The following CEP128 variants were observed in gnomAD, a reference collection of about 807,000 sequenced individuals.
CEP128 encodes centrosomal protein 128.
Under a neutral mutation model 156.7 loss-of-function variants are expected in CEP128, and 132 were observed. The observed-to-expected ratio is 0.84, with a 90% CI of 0.73 to 0.97. The LOEUF is 0.97. CEP128 is among the 50% of genes least tolerant of loss of function. The pLI is 0.00. For missense variants in CEP128, 1,252 were observed against 1,281.9 expected, an observed-to-expected ratio of 0.98 and a Z score of 0.36; for synonymous variants, 469 against 448.9, an observed-to-expected ratio of 1.04 and a Z score of -0.57.
At chr14:80,648,602 T>C (rs1894761867) in intron 19 of CEP128, among the ~76,000 whole-genome samples, 1 of 152,136 alleles carries the variant, frequency 6.6e-6, no homozygotes, top group South Asian at 2.1e-4. Context: ...ATAGCATTGA[T>C]TTTAATTAAT....
chr14:80,949,235 G>T (rs1347566284), intron 2 of CEP128, among the ~76,000 whole-genome samples: 2 of 152,188 alleles, frequency 1.3e-5, no homozygotes, highest in South Asian at 4.1e-4. Flanking sequence ...CCTTGAGAGA[G>T]TTTCCAAGTC....
intron 23 of CEP128, among the ~76,000 whole-genome samples, chr14:80,511,375 C>G (rs182033686): frequency 8.6e-4 from 130 of 151,992 alleles, no homozygotes; most frequent in African/African-American, 2.8e-3. Flanking sequence ...TTTATCTAAG[C>G]TTTCCTATTT....
intron 23 of CEP128, among the ~76,000 whole-genome samples, chr14:80,512,472 T>G (rs1452932449): frequency 6.6e-6 from 1 of 152,048 alleles, no homozygotes; most frequent in Non-Finnish European, 1.5e-5. Context: ...TACATATGTC[T>G]TTATAGGTGA....
At chr14:80,764,739 G>C (rs559691099) in intron 16 of CEP128, among the ~76,000 whole-genome samples, 7 of 152,296 alleles carry the variant, frequency 4.6e-5, no homozygotes, top group African/African-American at 1.4e-4. Context: ...TCAAGGAACA[G>C]AGTACCTGAC....
intron 20 of CEP128, among the ~76,000 whole-genome samples, chr14:80,577,738 T>C (rs1891418230): frequency 6.6e-6 from 1 of 152,156 alleles, no homozygotes; most frequent in Admixed American, 6.6e-5. Context: ...GTTCTCTTAT[T>C]TCAAACCCTT....
At chr14:80,613,007 A>ATTTTTTTTTTTTTTTTT (rs66946967) in intron 19 of CEP128, among the ~76,000 whole-genome samples, 1 of 114,702 alleles carries the variant, frequency 8.7e-6, no homozygotes, top group African/African-American at 3.2e-5. Flanking sequence ...CACCCGGCGA[A>ATTTTTTTTTTTTTTTTT]TTTTTTTTTT....
chr14:80,813,837 T>A (rs1205835072), intron 13 of CEP128, among the ~76,000 whole-genome samples: 1 of 152,184 alleles, frequency 6.6e-6, no homozygotes, highest in Non-Finnish European at 1.5e-5. Context: ...TGAACTTCAT[T>A]AACTGCTACA....
intron 13 of CEP128, among the ~76,000 whole-genome samples, chr14:80,815,175 T>A (rs1192206238): frequency 1.3e-5 from 2 of 152,190 alleles, no homozygotes; most frequent in African/African-American, 4.8e-5. Context: ...TACATCTGAC[T>A]GATAAACAGA....
chr14:80,847,428 TTTG>T (rs1329246618), intron 9 of CEP128, among the ~76,000 whole-genome samples: 3 of 152,104 alleles, frequency 2.0e-5, no homozygotes, highest in Non-Finnish European at 4.4e-5. Flanking sequence ...AAAGAAAAAA[TTTG>T]TTATTTGTTA....
rs960259723 is a variant in CEP128, at chr14:80,769,489, G to C, written c.2377-7876C>G. Among the ~76,000 whole-genome samples the C allele has an allele frequency of 2.0e-5, 3 of 151,958 alleles. No homozygotes were observed. In the South Asian group the frequency reaches 6.2e-4, roughly 32 times the overall value. ...TTCCCATTGTTCAGTTCCCACCTAT[G>C]AGTGAGAACATGCGGTGTTTGATTT... On this transcript the variant is annotated intron_variant, in intron 16 of 24. Coordinates refer to ENST00000555265, the MANE Select transcript of CEP128 (RefSeq NM_152446.5).
intron 8 of CEP128, among the ~76,000 whole-genome samples, chr14:80,876,978 A>G (rs1888314150): frequency 6.6e-6 from 1 of 152,220 alleles, no homozygotes; most frequent in Non-Finnish European, 1.5e-5. Flanking sequence ...ATAAAATAAT[A>G]GTCATGCCTT....
At chr14:80,733,151 A>G (rs1898358730) in intron 19 of CEP128, among the ~76,000 whole-genome samples, 1 of 152,158 alleles carries the variant, frequency 6.6e-6, no homozygotes, top group African/African-American at 2.4e-5. Context: ...CCTCTGCATG[A>G]ACGTCTTCAA....
At chr14:80,628,256 T>C (rs929856130) in intron 19 of CEP128, among the ~76,000 whole-genome samples, 3 of 152,160 alleles carry the variant, frequency 2.0e-5, no homozygotes, top group Non-Finnish European at 4.4e-5. Flanking sequence ...ACAAAAAGTC[T>C]TTCCTTTCCT....
intron 13 of CEP128, among the ~76,000 whole-genome samples, chr14:80,809,246 G>A (rs766435481): frequency 3.3e-5 from 5 of 152,062 alleles, no homozygotes; most frequent in Admixed American, 2.0e-4. Context: ...ACTTGAAGTC[G>A]TCAATAACAG....
In CEP128 at chr14:80,895,715, C is replaced by A. The variant is rs1216808550; in HGVS notation, c.645+3G>T. 2 of 1,550,198 alleles carry A rather than the reference C, an allele frequency of 1.3e-6. No individual in the cohort carries two copies. The highest frequency in any genetic ancestry group is 1.7e-6 in the Non-Finnish European group (2 of 1,147,462). ...AAACTTTTTATTAAAAAAGAGATCT[C>A]ACCACTTCTTGTTTCTGGGCTTCAT... On this transcript the variant is annotated splice_donor_region_variant and intron_variant, in intron 8 of 24. Transcript: ENST00000555265.
At chr14:80,777,626 A>C (rs1314363599) in intron 16 of CEP128, among the ~76,000 whole-genome samples, 1 of 152,110 alleles carries the variant, frequency 6.6e-6, no homozygotes, top group Admixed American at 6.5e-5. Flanking sequence ...CTTTTTTTCT[A>C]CTTCATTTCT....
At chr14:80,696,153 T>G (rs915758255) in intron 19 of CEP128, among the ~76,000 whole-genome samples, 3 of 152,174 alleles carry the variant, frequency 2.0e-5, no homozygotes, top group African/African-American at 7.2e-5. Flanking sequence ...AGTGACTGTT[T>G]GGTTACTGGG....
intron 19 of CEP128, among the ~76,000 whole-genome samples, chr14:80,591,391 A>G (rs981530517): frequency 1.3e-5 from 2 of 152,172 alleles, no homozygotes; most frequent in Admixed American, 6.5e-5. Context: ...TTAAACCAAC[A>G]AAGATCAAAA....
chr14:80,596,046 C>A (rs1892301868), intron 19 of CEP128, among the ~76,000 whole-genome samples: 3 of 104,708 alleles, frequency 2.9e-5, no homozygotes, highest in Non-Finnish European at 1.8e-5. Flanking sequence ...CAAACCATAT[C>A]AGCAGGGAAA....
Sources: gnomAD v4.1 joint callset for allele counts (sites outside exome capture counted in the v4.1 genomes callset) on GRCh38, gnomAD v4.1.1 for gene constraint, MANE v1.5 for transcripts, NCBI Gene and HGNC (gene_info 2026-07-23, HGNC 2026-07-21) for gene names.